ZNF577: variants seen among roughly 807,000 people sequenced by gnomAD.
The protein encoded by ZNF577 is zinc finger protein 577.
ZNF577 carries 14 observed loss-of-function variants against 13.9 expected under a neutral mutation model. The ratio of observed to expected loss-of-function variants is 1.00; its 90% CI spans 0.66 to 1.57. ZNF577 has a LOEUF of 1.57. Among genes scored for constraint, ZNF577 ranks in the 40% most tolerant of loss-of-function variants. The pLI is 0.00. For missense variants in ZNF577, 555 were observed against 579.2 expected, an observed-to-expected ratio of 0.96 and a Z score of 0.43; for synonymous variants, 203 against 202.9, an observed-to-expected ratio of 1.00 and a Z score of 0.00.
intron 9 of ZNF577, among the ~76,000 whole-genome samples, chr19:51,836,814 C>T (rs952356963): frequency 6.6e-6 from 1 of 152,048 alleles, no homozygotes; most frequent in African/African-American, 2.4e-5. Flanking sequence ...GAGGCTGCGG[C>T]GGGTGGATCA....
intron 9 of ZNF577, among the ~76,000 whole-genome samples, chr19:51,839,575 G>C (rs2084308254): frequency 6.6e-6 from 1 of 152,108 alleles, no homozygotes; most frequent in Admixed American, 6.5e-5. Context: ...TGGGAAATAT[G>C]GTTGGGTACT....
intron 9 of ZNF577, chr19:51,817,785 T>C (rs939353804): frequency 6.6e-6 from 1 of 152,180 alleles, no homozygotes; most frequent in East Asian, 1.9e-4. Flanking sequence ...GAGCTTGTGT[T>C]GCTCGACAGG....
chr19:51,872,984 T>C lies in ZNF577; in HGVS notation c.1006A>G (p.Arg336Gly). ...YECSECEKAFRSKSKLIQHQR... is the reference protein window; with the variant it reads ...YECSECEKAFGSKSKLIQHQR... ...TGCTGAATGAGCTTCGACTTGCTTC[T>C]AAAGGCTTTTTCACACTCACTACAT... Residue 336 changes from arginine to glycine, a missense_variant, in exon 6 of 6, where the codon AGA becomes GGA. Coordinates refer to ENST00000638348, the MANE Select transcript of ZNF577 (RefSeq NM_001370449.1). 1.2e-6 allele frequency: 2 copies of C among 1,614,210 alleles called. No individual in the cohort carries two copies. The highest frequency in any genetic ancestry group is 1.7e-6 in the Non-Finnish European group (2 of 1,180,042).
At chr19:51,876,922 G>A (rs1158543093) in intron 5 of ZNF577, among the ~76,000 whole-genome samples, 5 of 141,552 alleles carry the variant, frequency 3.5e-5, no homozygotes, top group African/African-American at 5.4e-5. Context: ...GCGAGACTCC[G>A]TCTCAAAAAA....
intron 9 of ZNF577, among the ~76,000 whole-genome samples, chr19:51,828,656 A>T (rs945091316): frequency 2.6e-5 from 4 of 151,782 alleles, no homozygotes; most frequent in Non-Finnish European, 5.9e-5. Flanking sequence ...TTTTTTTTTT[A>T]AAGTTATGGG....
intron 9 of ZNF577, among the ~76,000 whole-genome samples, chr19:51,833,103 T>A (rs1200516262): frequency 3.9e-5 from 6 of 152,254 alleles, no homozygotes; most frequent in African/African-American, 1.4e-4. Context: ...AATCATATTC[T>A]GTCTGCAGTA....
At chr19:51,852,709 T>C (rs1276234716) in intron 5 of ZNF577, among the ~76,000 whole-genome samples, 1 of 152,208 alleles carries the variant, frequency 6.6e-6, no homozygotes, top group African/African-American at 2.4e-5. Flanking sequence ...TTATGAGGAA[T>C]GGATAAATAG....
Position 51,873,340 on chromosome 19 carries a change from C to T in ZNF577, c.650G>A (p.Ser217Asn). 1.2e-6 allele frequency: 2 copies of T among 1,614,230 alleles called. No individual in the cohort carries two copies. Among genetic ancestry groups the T allele is most frequent in the Non-Finnish European group, 8.5e-7 (1 of 1,180,036 alleles). ...TCTGGAGAAGGCTTTTCCACATTCA[C>T]TACATTCATGGGGCTTCTCTCCTGT... ...THTGEKPHEC[S>N]ECGKAFSRKS... The change falls in exon 6 of 6, where the codon AGT becomes AAT. Residue 217 changes from serine to asparagine, a missense_variant. Ser to Asn is a conservative substitution (Grantham distance 46). Coordinates refer to ENST00000638348, the MANE Select transcript of ZNF577 (RefSeq NM_001370449.1).
At chr19:51,842,105 T>C (rs1400538501) in intron 8 of ZNF577, among the ~76,000 whole-genome samples, 1 of 152,130 alleles carries the variant, frequency 6.6e-6, no homozygotes, top group Admixed American at 6.5e-5. Context: ...AAGAGGTCTA[T>C]AAATATTGGT....
chr19:51,829,033 G>A (rs2084247045), intron 9 of ZNF577, among the ~76,000 whole-genome samples: 1 of 152,122 alleles, frequency 6.6e-6, no homozygotes, highest in Admixed American at 6.5e-5. Context: ...TGTTACATGG[G>A]GTCTTGGTAG....
chr19:51,823,588 C>T (rs558000493), intron 9 of ZNF577, among the ~76,000 whole-genome samples: 29 of 152,196 alleles, frequency 1.9e-4, no homozygotes, highest in Admixed American at 1.7e-3. Flanking sequence ...AAAGGAACTC[C>T]GAGAGAGTGC....
intron 4 of ZNF577, 170 bp downstream of exon 4, chr19:51,878,219 G>C: frequency 1.6e-6 from 1 of 615,226 alleles, no homozygotes; most frequent in Non-Finnish European, 2.6e-6. Flanking sequence ...TTAACCCACT[G>C]AACTGCACGC....
Position 51,872,211 on chromosome 19 carries a change from A to C in ZNF577, c.*321T>G, listed in dbSNP as rs2084670376. ...TTTACGAAAAATGTTTTCCATATCC[A>C]TTGCCTCTACAGTTGTCTATGTTTC... On this transcript the variant is annotated 3_prime_UTR_variant, in exon 6 of 6. Transcript: ENST00000638348. 2 of 191,304 alleles carry C rather than the reference A, an allele frequency of 1.0e-5. No individual in the cohort carries two copies. The highest frequency in any genetic ancestry group is 4.7e-5 in the African/African-American group (2 of 42,722). The allele number at this position is 191,304 out of a possible 1,614,324, so 11.9% of individuals were successfully genotyped here.
chr19:51,876,785 G>T (rs147799292), intron 5 of ZNF577, among the ~76,000 whole-genome samples: 121 of 151,982 alleles, frequency 8.0e-4, no homozygotes, highest in African/African-American at 2.8e-3. Flanking sequence ...AAAATTAGCC[G>T]GGCCTGGTGG....
chr19:51,855,470 G>A (rs1306243655), intron 5 of ZNF577, among the ~76,000 whole-genome samples: 2 of 150,882 alleles, frequency 1.3e-5, no homozygotes, highest in African/African-American at 4.9e-5. Flanking sequence ...CTTCTCAAGG[G>A]CTTCAAGATC....
chr19:51,832,300 A>AT (rs1002917106), intron 9 of ZNF577, among the ~76,000 whole-genome samples: 13 of 151,272 alleles, frequency 8.6e-5, no homozygotes, highest in South Asian at 6.2e-4. Context: ...GATCTGCTCT[A>AT]TTTTTTTTTA....
rs2084916844 is a variant in ZNF577, at chr19:51,884,774, C to T, written c.-219+2047G>A. ...TTAGGTTAAATTCAACAAGGGTTTA[C>T]ATGTAGAATTCTTATTAAAATGCAA... is the stretch of plus-strand genomic sequence containing the variant. On this transcript the variant is annotated intron_variant, in intron 1 of 5. Transcript: ENST00000638348. 2.0e-5 allele frequency among the ~76,000 whole-genome samples: 3 copies of T among 152,156 alleles called. No homozygotes were observed. In the South Asian group the frequency reaches 6.2e-4, roughly 31 times the overall value.
chr19:51,886,714 ATACT>A lies in ZNF577; in HGVS notation c.-219+103_-219+106del, dbSNP rs1335134171. 5.9e-5 allele frequency: 9 copies of A among 152,236 alleles called. No homozygotes were observed. In the East Asian group the frequency reaches 1.7e-3, roughly 29 times the overall value. The allele number at this position is 152,236 out of a possible 1,614,324, so 9.4% of individuals were successfully genotyped here. A position where few individuals can be genotyped will look rare whatever the true frequency, so the allele number is the denominator to read the frequency against. ...ACGTACCTAGTACTACACTTTGAAC[ATACT>A]TAAAGAACATTTGCTCACTTAATCT... On this transcript the variant is annotated intron_variant, in intron 1 of 5. Coordinates refer to ENST00000638348, the MANE Select transcript of ZNF577 (RefSeq NM_001370449.1).
chr19:51,828,259 T>A (rs921061472), intron 9 of ZNF577, among the ~76,000 whole-genome samples: 4 of 151,890 alleles, frequency 2.6e-5, no homozygotes, highest in Admixed American at 1.3e-4. Context: ...TCCCAGCTAC[T>A]TGGAAGACTG....
Sources: allele counts gnomAD v4.1 joint callset (sites outside exome capture counted in the v4.1 genomes callset), GRCh38; gene constraint gnomAD v4.1.1; transcripts MANE v1.5; gene names NCBI Gene and HGNC (gene_info 2026-07-23, HGNC 2026-07-21).